Variants in ELAVL1 observed in about 807,000 individuals in gnomAD.
The protein encoded by ELAVL1 is ELAV-like protein 1.
A neutral mutation model predicts 28.4 loss-of-function variants in ELAVL1; 1 was observed. The observed-to-expected ratio is 0.04, with a 90% CI of 0.01 to 0.17. ELAVL1 has a LOEUF of 0.17. Among genes scored for constraint, ELAVL1 ranks in the 10% least tolerant of loss-of-function variants. The probability of loss-of-function intolerance (pLI) is 1.00; values close to 1 mark genes in which losing one functional copy is unlikely to be tolerated. For missense variants in ELAVL1, 157 were observed against 447.2 expected (o/e 0.35, Z 5.85); for synonymous variants, 174 against 183.5 (o/e 0.95, Z 0.42).
At chr19:7,983,477 G>A (rs1057311998) in intron 2 of ELAVL1, among the ~76,000 whole-genome samples, 2 of 152,218 alleles carry the variant, frequency 1.3e-5, no homozygotes, top group African/African-American at 4.8e-5. Flanking sequence ...GATGGCAAGG[G>A]CAGGACCAGA....
chr19:7,968,029 G>T (rs751156970), intron 4 of ELAVL1, among the ~76,000 whole-genome samples: 1 of 152,160 alleles, frequency 6.6e-6, no homozygotes, highest in Admixed American at 6.5e-5. Context: ...CAGTGTTGGC[G>T]CCCAAAGATA....
intron 5 of ELAVL1, among the ~76,000 whole-genome samples, chr19:7,965,742 A>T (rs1984940082): frequency 6.6e-6 from 1 of 151,798 alleles, no homozygotes. Context: ...TGTCTCCTCC[A>T]ACCTTCCCTG....
chr19:7,971,191 C>T (rs867955734), intron 4 of ELAVL1, among the ~76,000 whole-genome samples: 3 of 152,348 alleles, frequency 2.0e-5, no homozygotes, highest in African/African-American at 2.4e-5. Flanking sequence ...GCAATGCCCC[C>T]AGCAGCTGTG....
chr19:8,002,113 C>G, intron 1 of ELAVL1: 2 of 1,289,402 alleles, frequency 1.6e-6, no homozygotes, highest in Admixed American at 2.3e-5. Flanking sequence ...CCACCACTAC[C>G]CATCTCAGCC....
At chr19:7,988,041 C>T (rs1324033285) in intron 2 of ELAVL1, among the ~76,000 whole-genome samples, 4 of 152,134 alleles carry the variant, frequency 2.6e-5, no homozygotes, top group East Asian at 3.9e-4. Context: ...GAGGCCAAAA[C>T]GACAGTGCAG....
rs945277524 is a variant in ELAVL1, at chr19:7,979,671, A to G, written c.276+1412T>C. Reference sequence around the variant, plus strand: ...CGCTTGGCTGCCCTCACCAGCCCCCACCGGGGAAGGTGCCTCTGAGGACCT... The same window carrying G: ...CGCTTGGCTGCCCTCACCAGCCCCCGCCGGGGAAGGTGCCTCTGAGGACCT... On this transcript the variant is annotated intron_variant, in intron 3 of 5. Transcript: ENST00000407627. This position sits in a 1 kb window ranked among gnomAD's most constrained non-coding sequence, Gnocchi z 5.4. Among the ~76,000 whole-genome samples the G allele has an allele frequency of 5.3e-5, 8 of 152,098 alleles. No homozygotes were observed. The highest frequency in any genetic ancestry group is 1.9e-4 in the African/African-American group (8 of 41,430).
At position 7,961,294 on chromosome 19, in the gene ELAVL1, G is replaced by A. The variant is rs541600311; in HGVS notation, c.*2189C>T. On this transcript the variant is annotated 3_prime_UTR_variant, in exon 6 of 6. Transcript: ENST00000407627. ...AGACTCCAGGGGGAGTTTCAGAAGC[G>A]GGAATCCCGCCTTCCATCAGAAGGG... The A allele has an allele frequency of 7.2e-5, 11 of 152,346 alleles. No individual in the cohort carries two copies. Among genetic ancestry groups the A allele is most frequent in the South Asian group, 6.2e-4 (3 of 4,826 alleles). The allele number at this position is 152,346 out of a possible 1,614,324, so 9.4% of individuals were successfully genotyped here. A position where few individuals can be genotyped will look rare whatever the true frequency, so the allele number is the denominator to read the frequency against.
chr19:7,968,207 G>T (rs1402760070), intron 4 of ELAVL1, among the ~76,000 whole-genome samples: 1 of 152,224 alleles, frequency 6.6e-6, no homozygotes, highest in African/African-American at 2.4e-5. Flanking sequence ...AGTGGGGACT[G>T]CGTCTGAGAG....
At position 7,959,101 on chromosome 19, in the gene ELAVL1, A is replaced by ATC. The variant is rs1984734575; in HGVS notation, c.*4381_*4382insGA. 1 of 153,246 alleles carries ATC rather than the reference A, an allele frequency of 6.5e-6. No homozygotes were observed. Among genetic ancestry groups the ATC allele is most frequent in the African/African-American group, 2.4e-5 (1 of 41,394 alleles). The allele number at this position is 153,246 out of a possible 1,614,324, so 9.5% of individuals were successfully genotyped here. On this transcript the variant is annotated 3_prime_UTR_variant, in exon 6 of 6. Transcript: ENST00000407627. ...GGCAATGGGCTGATGGAAAACTGAT[A>ATC]AGGGCTTTTCTTTTTTTTTTTCTGA...
chr19:7,982,351 C>T lies in ELAVL1; in HGVS notation c.173-1165G>A, dbSNP rs865850341. Among the ~76,000 whole-genome samples, 5 of 152,314 alleles carry T rather than the reference C, an allele frequency of 3.3e-5. No individual in the cohort carries two copies. The highest frequency in any genetic ancestry group is 1.2e-4 in the African/African-American group (5 of 41,576). On this transcript the variant is annotated intron_variant, in intron 2 of 5. Transcript: ENST00000407627. The surrounding 1 kb of genome is among the most constrained non-coding windows in gnomAD (Gnocchi z 4.3). Reference sequence around the variant, plus strand: ...CCTCACCCAGCACTGCTCCATTCCCCCAGCCGGCAGAGCGCGACAACGAGC... The same window carrying T: ...CCTCACCCAGCACTGCTCCATTCCCTCAGCCGGCAGAGCGCGACAACGAGC...
chr19:7,969,623 C>T lies in ELAVL1; in HGVS notation c.431-1833G>A, dbSNP rs79994072. On this transcript the variant is annotated intron_variant, in intron 4 of 5. Transcript: ENST00000407627. ...CTCACGACACGAATGACAGCTTAGT[C>T]AGTCTTGGAAACCTAAATGAAAATC... 5.9e-5 allele frequency among the ~76,000 whole-genome samples: 9 copies of T among 152,326 alleles called. No homozygotes were observed. The East Asian group carries it at 1.7e-3, about 29-fold the overall frequency.
chr19:7,989,348 GC>G (rs1985693725), intron 2 of ELAVL1, among the ~76,000 whole-genome samples: 1 of 152,188 alleles, frequency 6.6e-6, no homozygotes, highest in Non-Finnish European at 1.5e-5. Flanking sequence ...AACTCCTGGT[GC>G]GCCAGTTACT....
At chr19:7,967,025 C>CTT (rs770671359) in intron 5 of ELAVL1, among the ~76,000 whole-genome samples, 2 of 140,608 alleles carry the variant, frequency 1.4e-5, no homozygotes, top group Non-Finnish European at 1.6e-5. Flanking sequence ...CTGGTGCTGT[C>CTT]TTTTTTTTTT....
intron 1 of ELAVL1, among the ~76,000 whole-genome samples, chr19:8,003,355 CAA>C (rs71165248): frequency 0.086 from 5,233 of 61,000 alleles, 83 homozygotes; most frequent in Middle Eastern, 0.11. Context: ...GAAACTGTCT[CAA>C]AAAAAAAAAA....
In ELAVL1 at chr19:7,981,155, G is replaced by A. The variant is rs767301210; in HGVS notation, c.204C>T (p.Tyr68=). 30 of 1,614,030 alleles carry A rather than the reference G, an allele frequency of 1.9e-5. No individual in the cohort carries two copies. The highest frequency in any genetic ancestry group is 4.5e-5 in the East Asian group (2 of 44,888). ...GHSLGYGFVN[Y]VTAKDAERAI... is the part of the protein sequence containing the mutation. ...CTCTCTCTGCATCCTTCGCGGTCACGTAGTTCACAAAGCCATAGCCCAAGC... is the reference window on the plus strand; with the variant it reads ...CTCTCTCTGCATCCTTCGCGGTCACATAGTTCACAAAGCCATAGCCCAAGC... The change falls in exon 3 of 6, where the codon TAC becomes TAT. Residue 68 remains tyrosine (Y), a synonymous_variant. Transcript: ENST00000407627. The surrounding 1 kb of genome is among the most constrained non-coding windows in gnomAD (Gnocchi z 4.2).
intron 5 of ELAVL1, among the ~76,000 whole-genome samples, chr19:7,966,010 G>A (rs1172314126): frequency 6.6e-6 from 1 of 152,160 alleles, no homozygotes; most frequent in East Asian, 1.9e-4. Flanking sequence ...AGCAGCATGT[G>A]TGGCACTGGG....
At position 7,981,666 on chromosome 19, in the gene ELAVL1, T is replaced by C. The variant is rs1346613480; in HGVS notation, c.173-480A>G. ...GATTACAGATGTGAGCCACTGAGCC[T>C]GGCCAAGAGGTTTTACTTTTGTAAT... On this transcript the variant is annotated intron_variant, in intron 2 of 5. Transcript: ENST00000407627. The surrounding 1 kb of genome is among the most constrained non-coding windows in gnomAD (Gnocchi z 4.2). Among the ~76,000 whole-genome samples, 2 of 152,168 alleles carry C rather than the reference T, an allele frequency of 1.3e-5. No homozygotes were observed. The highest frequency in any genetic ancestry group is 1.5e-5 in the Non-Finnish European group (1 of 68,022).
intron 4 of ELAVL1, among the ~76,000 whole-genome samples, chr19:7,970,162 T>G (rs1412914859): frequency 6.7e-6 from 1 of 149,584 alleles, no homozygotes; most frequent in Non-Finnish European, 1.5e-5. Flanking sequence ...TTTACTTTAT[T>G]TATTTATTTA....
chr19:7,995,714 G>T (rs1286723228), intron 1 of ELAVL1, among the ~76,000 whole-genome samples: 7 of 151,498 alleles, frequency 4.6e-5, no homozygotes, highest in African/African-American at 1.7e-4. Flanking sequence ...AAAATTTCTT[G>T]GAGAAAAATC....
Sources: gnomAD v4.1 joint callset for allele counts (sites outside exome capture counted in the v4.1 genomes callset) on GRCh38, gnomAD v4.1.1 for gene constraint, Gnocchi (gnomAD v3.1) non-coding constraint, MANE v1.5 for transcripts, NCBI Gene and HGNC (gene_info 2026-07-23, HGNC 2026-07-21) for gene names.